The following TPCN2 variants were observed in gnomAD, a reference collection of about 807,000 sequenced individuals.
TPCN2 encodes the protein two pore channel protein 2.
Under a neutral mutation model 111.4 loss-of-function variants are expected in TPCN2, and 92 were observed. The observed-to-expected ratio is 0.83, with a 90% CI of 0.70 to 0.98. TPCN2 has a LOEUF of 0.98. Ranked by LOEUF, TPCN2 falls within the 50% of genes least tolerant of loss-of-function variation. The pLI, the probability that TPCN2 is intolerant of heterozygous loss-of-function variation, is 0.00. For missense variants in TPCN2, 995 were observed against 980.1 expected, an observed-to-expected ratio of 1.02 and a Z score of -0.20; for synonymous variants, 405 against 414.5, an observed-to-expected ratio of 0.98 and a Z score of 0.28.
Position 69,088,324 on chromosome 11 carries a change from C to A in TPCN2, c.*371C>A. ...AGCCCTTGGGGACCACAGGCCTGAC[C>A]AGGGCCTGCACAGGTTAACCGTCAG... On this transcript the variant is annotated 3_prime_UTR_variant, in exon 25 of 25. Coordinates refer to ENST00000294309, the MANE Select transcript of TPCN2 (RefSeq NM_139075.4). 1 of 241,878 alleles carries A rather than the reference C, an allele frequency of 4.1e-6. No homozygotes were observed. Among genetic ancestry groups the A allele is most frequent in the Non-Finnish European group, 8.2e-6 (1 of 121,810 alleles). 15.0% of individuals were successfully genotyped at this position (241,878 alleles called of 1,614,324 possible). A position where few individuals can be genotyped will look rare whatever the true frequency, so the allele number is the denominator to read the frequency against.
In TPCN2 at chr11:69,085,224, A is replaced by T; in HGVS notation, c.1776A>T (p.Val592=). Residue 592 remains valine, a synonymous_variant, in exon 20 of 25, where the codon GTA becomes GTT. Transcript: ENST00000294309. ...FGGILVVVYY[V]FAIIGINLFR... is the part of the protein sequence containing the mutation. ...TGGCCCGCCAGGTGGTCTACTACGT[A>T]TTTGCCATCATTGGGATCAACTTGT... The T allele has an allele frequency of 6.3e-7, 1 of 1,596,114 alleles. No homozygotes were observed. Among genetic ancestry groups the T allele is most frequent in the Non-Finnish European group, 8.6e-7 (1 of 1,168,504 alleles).
At chr11:69,085,406 C>T (rs921923617) in intron 20 of TPCN2, 120 bp downstream of exon 20, 12 of 1,016,240 alleles carry the variant, frequency 1.2e-5, no homozygotes, top group Non-Finnish European at 1.7e-5. Context: ...CTCCCAGTTC[C>T]TTCGTCTCCT....
At chr11:69,054,490 G>A in intron 2 of TPCN2, 1 of 577,096 alleles carries the variant, frequency 1.7e-6, no homozygotes, top group Non-Finnish European at 3.1e-6. Context: ...GTTTGCTCAC[G>A]CACCCACCCA....
At position 69,063,755 on chromosome 11, in the gene TPCN2, G is replaced by A. The variant is rs115661918; in HGVS notation, c.654-140G>A. ...GAGCATGAGGCAAGGCCCTCGGGGAGAGGGGGACCCAGCTGCTGCCTGGAT... is the reference window on the plus strand; with the variant it reads ...GAGCATGAGGCAAGGCCCTCGGGGAAAGGGGGACCCAGCTGCTGCCTGGAT... On this transcript the variant is annotated intron_variant, in intron 6 of 24. Transcript: ENST00000294309. 2.9e-3 allele frequency: 2,093 copies of A among 731,982 alleles called. 30 individuals are homozygous for A. In the African/African-American group the frequency reaches 0.033, roughly 11 times the overall value. 45.3% of individuals were successfully genotyped at this position (731,982 alleles called of 1,614,324 possible). A position where few individuals can be genotyped will look rare whatever the true frequency, so the allele number is the denominator to read the frequency against.
chr11:69,062,245 C>A (rs1855054399), intron 5 of TPCN2, among the ~76,000 whole-genome samples: 1 of 152,150 alleles, frequency 6.6e-6, no homozygotes, highest in Non-Finnish European at 1.5e-5. Flanking sequence ...GGGATCCACC[C>A]CACGACCCAA....
intron 11 of TPCN2, among the ~76,000 whole-genome samples, chr11:69,072,263 G>A (rs1002817380): frequency 6.6e-6 from 1 of 152,204 alleles, no homozygotes; most frequent in Non-Finnish European, 1.5e-5. Flanking sequence ...GGGCCGAGTG[G>A]CCCGGCCTTC....
At chr11:69,079,731 T>A in intron 16 of TPCN2, 103 bp from the exon 17 acceptor site, 1 of 1,120,130 alleles carries the variant, frequency 8.9e-7, no homozygotes. Flanking sequence ...CAAAAGCCCC[T>A]TTTGGGGAGA....
rs761410285 is a variant in TPCN2, at chr11:69,072,865, G to T, written c.1144-50G>T. 3.8e-6 allele frequency: 6 copies of T among 1,558,604 alleles called. No individual in the cohort carries two copies. The African/African-American group carries it at 4.1e-5, about 11-fold the overall frequency. On this transcript the variant is annotated intron_variant, in intron 12 of 24. Transcript: ENST00000294309. ...GGGCTGGGGGCGCTCACCTTCGAGG[G>T]CGCTCACCTTCCCGTGCGCCCCTGC...
intron 12 of TPCN2, 80 bp downstream of exon 12, chr11:69,072,788 G>C (rs938458249): frequency 6.5e-5 from 103 of 1,574,282 alleles, no homozygotes; most frequent in Non-Finnish European, 8.1e-5. Flanking sequence ...TCAGGACTAG[G>C]GGTGTGGCTT....
intron 4 of TPCN2, 67 bp from the exon 5 acceptor site, chr11:69,057,511 G>A (rs560892496): frequency 3.8e-5 from 55 of 1,459,990 alleles, no homozygotes; most frequent in Admixed American, 3.5e-4. Context: ...GCTGCGCACC[G>A]TCATTCTCTG....
chr11:69,065,062 CTATG>C lies in TPCN2; in HGVS notation c.726+1097_726+1100del, dbSNP rs370225580. On this transcript the variant is annotated intron_variant, in intron 7 of 24. Transcript: ENST00000294309. Reference sequence around the variant, plus strand: ...GTGTGGTGTCGTGTGTGTGGTGTGTCTATGTGTGCATGCATGGTGTCTGTATGTC... The same window carrying C: ...GTGTGGTGTCGTGTGTGTGGTGTGTCTGTGCATGCATGGTGTCTGTATGTC... 9.5e-3 allele frequency among the ~76,000 whole-genome samples: 1,423 copies of C among 150,550 alleles called. 23 individuals are homozygous for C. Among genetic ancestry groups the C allele is most frequent in the African/African-American group, 0.033 (1,363 of 40,878 alleles).
rs116611374 is a variant in TPCN2, at chr11:69,060,181, G to T, written c.546+2487G>T. On this transcript the variant is annotated intron_variant, in intron 5 of 24. Transcript: ENST00000294309. ...CTCTCCACGCCCCTGTCCTCCACTT[G>T]GGAACATCCCCTTTCTCAGTCCACA... Among the ~76,000 whole-genome samples, 702 of 152,294 alleles carry T rather than the reference G, an allele frequency of 4.6e-3. 3 individuals carry two copies. The highest frequency in any genetic ancestry group is 0.016 in the African/African-American group (651 of 41,568).
chr11:69,085,931 G>A lies in TPCN2; in HGVS notation c.2003+1G>A, dbSNP rs145113932. On this transcript the variant is annotated splice_donor_variant, in intron 22 of 24. Transcript: ENST00000294309. LOFTEE classifies it high-confidence loss of function. Reference sequence around the variant, plus strand: ...ATGCATATCGGCGCTACTCAGGCCCGTGAGTCCTCGTCTCCCTGACGGCAG... The same window carrying A: ...ATGCATATCGGCGCTACTCAGGCCCATGAGTCCTCGTCTCCCTGACGGCAG... 14 of 1,613,044 alleles carry A rather than the reference G, an allele frequency of 8.7e-6. No homozygotes were observed. In the African/African-American group the frequency reaches 1.2e-4, roughly 14 times the overall value.
At chr11:69,077,111 T>TCCTGCCGTGTCCCTCCA (rs1855812222) in intron 13 of TPCN2, among the ~76,000 whole-genome samples, 1 of 108,970 alleles carries the variant, frequency 9.2e-6, no homozygotes, top group Non-Finnish European at 1.8e-5. Context: ...CCACTTGCCC[T>TCCTGCCGTGTCCCTCCA]CCTGCCCTCC....
intron 1 of TPCN2, among the ~76,000 whole-genome samples, chr11:69,050,577 T>C (rs11605298): frequency 0.92 from 140,510 of 152,260 alleles, 65,611 homozygotes; most frequent in Non-Finnish European, 1. Flanking sequence ...GGGGTTTCAC[T>C]GTGTTGGCCA....
rs1211656854 is a variant in TPCN2, at chr11:69,072,907, C to T, written c.1144-8C>T. 1 of 1,606,292 alleles carries T rather than the reference C, an allele frequency of 6.2e-7. No homozygotes were observed. ...CGCCCCTGCTGACCTGTGCTCCTTC[C>T]TGTGCAGAAGGTGCGTTCCTATGGC... On this transcript the variant is annotated splice_polypyrimidine_tract_variant and splice_region_variant and intron_variant, in intron 12 of 24. Transcript: ENST00000294309.
intron 19 of TPCN2, 135 bp from the exon 20 acceptor site, chr11:69,085,075 A>T: frequency 2.2e-6 from 2 of 899,852 alleles, no homozygotes. Context: ...AGTAGCAGCC[A>T]GGCTGGAATC....
intron 1 of TPCN2, 107 bp downstream of exon 1, chr11:69,049,213 G>A: frequency 4.0e-6 from 3 of 741,996 alleles, no homozygotes; most frequent in Non-Finnish European, 5.5e-6. Context: ...CCCCCACCAG[G>A]TTCGAGTCCG....
At chr11:69,068,200 CCT>C (rs1177181088) in intron 8 of TPCN2, among the ~76,000 whole-genome samples, 3 of 152,238 alleles carry the variant, frequency 2.0e-5, no homozygotes, top group African/African-American at 7.2e-5. Flanking sequence ...CTGGCTGGTG[CCT>C]TTCATCTTGC....
Sources: gnomAD v4.1 joint callset for allele counts (sites outside exome capture counted in the v4.1 genomes callset) on GRCh38, gnomAD v4.1.1 for gene constraint, MANE v1.5 for transcripts, NCBI Gene and HGNC (gene_info 2026-07-23, HGNC 2026-07-21) for gene names.